The following DNAJC10 variants were observed in gnomAD, a reference collection of about 807,000 sequenced individuals.
DNAJC10 encodes DnaJ heat shock protein family (Hsp40) member C10.
Under a neutral mutation model 115.0 loss-of-function variants are expected in DNAJC10, and 101 were observed. The ratio of observed to expected loss-of-function variants is 0.88; its 90% CI spans 0.75 to 1.04. The LOEUF is 1.04. Among genes scored for constraint, DNAJC10 ranks in the 50% least tolerant of loss-of-function variants. The pLI is 0.00. For synonymous variants in DNAJC10, 307 were observed against 301.5 expected (o/e 1.02, Z -0.19); for missense variants, 981 against 928.8 (o/e 1.06, Z -0.73).
At chr2:182,771,855 C>G (rs1461217254) in intron 22 of DNAJC10, among the ~76,000 whole-genome samples, 1 of 152,136 alleles carries the variant, frequency 6.6e-6, no homozygotes, top group Non-Finnish European at 1.5e-5. Context: ...TTCTTGTCTT[C>G]TGCTAGCTTT....
chr2:182,733,069 T>G (rs1257011047), intron 10 of DNAJC10, among the ~76,000 whole-genome samples: 1 of 152,024 alleles, frequency 6.6e-6, no homozygotes, highest in Non-Finnish European at 1.5e-5. Flanking sequence ...AGTATTACAT[T>G]TATTAGATCA....
chr2:182,738,830 G>A lies in DNAJC10; in HGVS notation c.988-1469G>A, dbSNP rs567489530. Among the ~76,000 whole-genome samples, 11 of 152,234 alleles carry A rather than the reference G, an allele frequency of 7.2e-5. No individual in the cohort carries two copies. In the East Asian group the frequency reaches 1.9e-3, roughly 27 times the overall value. On this transcript the variant is annotated intron_variant, in intron 11 of 23. Coordinates refer to ENST00000264065, the MANE Select transcript of DNAJC10 (RefSeq NM_018981.4). ...GTTGGGATTACAGGCGTGAGCCACC[G>A]CACCTGGCCGCATTCAGGTTTTAAA...
intron 10 of DNAJC10, among the ~76,000 whole-genome samples, chr2:182,733,280 A>G (rs1417700543): frequency 6.6e-6 from 1 of 151,820 alleles, no homozygotes; most frequent in Admixed American, 6.6e-5. Context: ...CTCTTTGTGC[A>G]TTATGGATTT....
chr2:182,750,024 G>T (rs1693975715), intron 14 of DNAJC10, among the ~76,000 whole-genome samples: 2 of 152,158 alleles, frequency 1.3e-5, no homozygotes, highest in Non-Finnish European at 2.9e-5. Flanking sequence ...CCTTTGTAGG[G>T]CTGCTCTCAA....
intron 22 of DNAJC10, among the ~76,000 whole-genome samples, chr2:182,768,457 T>G (rs1007428316): frequency 2.0e-5 from 3 of 152,210 alleles, no homozygotes; most frequent in African/African-American, 7.2e-5. Flanking sequence ...CAAACATCCC[T>G]GTCCAAATTG....
chr2:182,772,190 G>A (rs1694582430), intron 22 of DNAJC10, among the ~76,000 whole-genome samples: 1 of 152,172 alleles, frequency 6.6e-6, no homozygotes, highest in Admixed American at 6.5e-5. Flanking sequence ...GAGACAATTT[G>A]TTGTGATTTC....
At chr2:182,760,614 C>G (rs1694263849) in intron 21 of DNAJC10, among the ~76,000 whole-genome samples, 2 of 152,210 alleles carry the variant, frequency 1.3e-5, no homozygotes, top group East Asian at 3.9e-4. Context: ...TTTGGTGTTT[C>G]TTTCTGTCGT....
intron 21 of DNAJC10, among the ~76,000 whole-genome samples, chr2:182,759,645 C>G (rs1694243211): frequency 1.3e-5 from 2 of 152,090 alleles, no homozygotes; most frequent in Non-Finnish European, 2.9e-5. Context: ...GTTTTATCCC[C>G]TAAATGTCTT....
At chr2:182,755,761 T>C (rs1694141371) in intron 17 of DNAJC10, among the ~76,000 whole-genome samples, 1 of 152,168 alleles carries the variant, frequency 6.6e-6, no homozygotes, top group Admixed American at 6.5e-5. Context: ...AATTAAAGAA[T>C]CATTTCCAAA....
At chr2:182,749,943 T>A (rs11678585) in intron 14 of DNAJC10, among the ~76,000 whole-genome samples, 2 of 151,916 alleles carry the variant, frequency 1.3e-5, no homozygotes, top group Non-Finnish European at 2.9e-5. Context: ...CCAAGCTTAC[T>A]TTTGTGATTG....
intron 15 of DNAJC10, 118 bp from the exon 16 acceptor site, chr2:182,751,954 G>T: frequency 8.4e-7 from 1 of 1,193,968 alleles, no homozygotes; most frequent in Non-Finnish European, 1.2e-6. Flanking sequence ...TACTCCTCCA[G>T]GGAAGGTTTG....
At chr2:182,718,377 C>A in intron 3 of DNAJC10, 87 bp downstream of exon 3, 2 of 1,064,942 alleles carry the variant, frequency 1.9e-6, no homozygotes, top group Non-Finnish European at 2.6e-6. Flanking sequence ...TGATCAAATG[C>A]TTAAGAATAA....
chr2:182,741,429 T>G, intron 13 of DNAJC10, 73 bp downstream of exon 13: 1 of 669,710 alleles, frequency 1.5e-6, no homozygotes. Flanking sequence ...TAATTAAATT[T>G]TAAATAACAT....
chr2:182,753,465 A>G (rs1230681948), intron 16 of DNAJC10, among the ~76,000 whole-genome samples: 2 of 152,102 alleles, frequency 1.3e-5, no homozygotes, highest in Non-Finnish European at 2.9e-5. Flanking sequence ...AAAGGAAATA[A>G]ACAAGGCCTT....
intron 10 of DNAJC10, among the ~76,000 whole-genome samples, chr2:182,733,165 T>C (rs1422428894): frequency 6.6e-6 from 1 of 152,020 alleles, no homozygotes; most frequent in East Asian, 1.9e-4. Context: ...CATCCATCAT[T>C]GATTTATCTA....
chr2:182,750,731 G>A (rs890910156), intron 14 of DNAJC10, among the ~76,000 whole-genome samples: 4 of 152,158 alleles, frequency 2.6e-5, no homozygotes, highest in Admixed American at 6.5e-5. Flanking sequence ...GTAACACAGC[G>A]GTAAGAGTTT....
chr2:182,759,487 CT>C (rs1326906107), intron 21 of DNAJC10, among the ~76,000 whole-genome samples, 180 bp downstream of exon 21: 1 of 151,998 alleles, frequency 6.6e-6, no homozygotes, highest in Non-Finnish European at 1.5e-5. Context: ...TTTGTTAAAG[CT>C]TTTAGCTAAC....
rs200891337 is a variant in DNAJC10 at position 182,759,228 on chromosome 2, A to G, written c.2066A>G (p.Asn689Ser). Residue 689 changes from asparagine to serine, a missense_variant, in exon 21 of 24, where the codon AAT becomes AGT. By Grantham distance (46) the Asn-to-Ser change is conservative. Transcript: ENST00000264065. The stretch of plus-strand genomic sequence containing the variant: ...AGTGAAAAAGTTCTACAAGGGAAAA[A>G]TCATTGGGTGATTGATTTCTATGCT... ...TFSEKVLQGKNHWVIDFYAPW... is the reference protein window; with the variant it reads ...TFSEKVLQGKSHWVIDFYAPW... The G allele has an allele frequency of 8.2e-5, 132 of 1,610,692 alleles. No individual in the cohort carries two copies. The highest frequency in any genetic ancestry group is 1.2e-4 in the African/African-American group (9 of 74,744).
rs918604943 is a variant in DNAJC10 at position 182,786,217 on chromosome 2, A to C, written c.*9085A>C. ...AATGACAAGTGTATAATCAACTGCC[A>C]GGAAATCAGTTTACCTGTTAGAGGT... On this transcript the variant is annotated 3_prime_UTR_variant, in exon 24 of 24. Transcript: ENST00000264065. The C allele has an allele frequency of 5.3e-5, 8 of 152,238 alleles. No homozygotes were observed. The highest frequency in any genetic ancestry group is 5.2e-4 in the Admixed American group (8 of 15,284). The allele number at this position is 152,238 out of a possible 1,614,324, so 9.4% of individuals were successfully genotyped here.
Sources: allele counts gnomAD v4.1 joint callset (sites outside exome capture counted in the v4.1 genomes callset), GRCh38; gene constraint gnomAD v4.1.1; transcripts MANE v1.5; gene names NCBI Gene and HGNC (gene_info 2026-07-23, HGNC 2026-07-21).